CEP83: variants seen among roughly 807,000 people sequenced by gnomAD.
CEP83 encodes centrosomal protein of 83 kDa.
Under a neutral mutation model 101.9 loss-of-function variants are expected in CEP83, and 70 were observed. That is an observed-to-expected ratio of 0.69 (90% CI 0.57 to 0.84). The LOEUF (loss-of-function observed/expected upper bound fraction) is 0.84. Among genes scored for constraint, CEP83 ranks in the 40% least tolerant of loss-of-function variants. CEP83 has a pLI of 0.00. For missense variants in CEP83, 715 were observed against 787.2 expected (o/e 0.91, Z 1.10); for synonymous variants, 264 against 267.9 (o/e 0.99, Z 0.14).
chr12:94,439,852 T>C (rs993130946), intron 1 of CEP83, among the ~76,000 whole-genome samples: 1 of 152,130 alleles, frequency 6.6e-6, no homozygotes, highest in Non-Finnish European at 1.5e-5. Flanking sequence ...CATGAACAAG[T>C]GGGTTTTATA....
chr12:94,398,673 T>A (rs2063056075), intron 6 of CEP83, among the ~76,000 whole-genome samples: 2 of 151,892 alleles, frequency 1.3e-5, no homozygotes, highest in Admixed American at 6.6e-5. Context: ...AACCATAAGG[T>A]CTGACTGCCT....
intron 14 of CEP83, among the ~76,000 whole-genome samples, chr12:94,315,399 T>A (rs114797552): frequency 3.6e-4 from 55 of 152,246 alleles, no homozygotes; most frequent in Non-Finnish European, 7.1e-4. Flanking sequence ...GACGTGTCCA[T>A]CCTAGTCTTT....
At chr12:94,292,613 C>G in the CEP83 span, among the ~76,000 whole-genome samples, 8 of 152,152 alleles carry the variant, frequency 5.3e-5, no homozygotes, top group Non-Finnish European at 8.8e-5. Context: ...TATTTGCATA[C>G]ACATAATGAA....
At chr12:94,415,326 A>T (rs936552408) in intron 2 of CEP83, among the ~76,000 whole-genome samples, 1 of 152,144 alleles carries the variant, frequency 6.6e-6, no homozygotes, top group Non-Finnish European at 1.5e-5. Context: ...GACAAAACTA[A>T]AGGACTGAGC....
At chr12:94,382,952 G>T (rs190388277) in intron 6 of CEP83, among the ~76,000 whole-genome samples, 3 of 152,158 alleles carry the variant, frequency 2.0e-5, no homozygotes, top group Admixed American at 1.3e-4. Flanking sequence ...CACTTGTTGA[G>T]AGAGGGGTAT....
chr12:94,293,808 G>A, the CEP83 span, among the ~76,000 whole-genome samples: 1 of 152,078 alleles, frequency 6.6e-6, no homozygotes, highest in Non-Finnish European at 1.5e-5. Flanking sequence ...TTTTTATACA[G>A]AGGGATCTCC....
rs959501360 is a variant in CEP83, at chr12:94,412,443, A to C, written c.48T>G (p.Phe16Leu). Residue 16 changes from phenylalanine to leucine, a missense_variant, in exon 3 of 17, where the codon TTT becomes TTG. By Grantham distance (22) the Phe-to-Leu change is conservative (BLOSUM62 0). Coordinates refer to ENST00000397809, the MANE Select transcript of CEP83 (RefSeq NM_016122.3). ...TCAATCCACTGTCTCCACCAGGAGG[A>C]AAATTATTGGGAAAAGTGTCCATAT... ...FTDMDTFPNN[F>L]PPGGDSGLTG... 3.7e-6 allele frequency: 6 copies of C among 1,612,502 alleles called. No individual in the cohort carries two copies. In the Admixed American group the frequency reaches 1.0e-4, roughly 27 times the overall value.
At chr12:94,357,856 A>G (rs1001469258) in intron 11 of CEP83, among the ~76,000 whole-genome samples, 13 of 152,246 alleles carry the variant, frequency 8.5e-5, no homozygotes, top group Non-Finnish European at 1.9e-4. Context: ...AGGAAAGCAC[A>G]TAGCACAGCT....
intron 11 of CEP83, among the ~76,000 whole-genome samples, chr12:94,355,747 G>T (rs2060438253): frequency 6.6e-6 from 1 of 152,228 alleles, no homozygotes; most frequent in African/African-American, 2.4e-5. Flanking sequence ...CCCGCCCAGG[G>T]TGGAAAACCG....
chr12:94,396,691 C>T (rs2062922157), intron 6 of CEP83, among the ~76,000 whole-genome samples: 1 of 151,948 alleles, frequency 6.6e-6, no homozygotes, highest in Non-Finnish European at 1.5e-5. Flanking sequence ...TCCTGGAGTC[C>T]CTCTCAGGAA....
At chr12:94,335,200 A>C (rs2059398883) in intron 12 of CEP83, among the ~76,000 whole-genome samples, 1 of 152,146 alleles carries the variant, frequency 6.6e-6, no homozygotes. Context: ...TTTCATAGGG[A>C]TATAGCAAAA....
chr12:94,395,822 A>C lies in CEP83; in HGVS notation c.549+5028T>G, dbSNP rs528286417. Among the ~76,000 whole-genome samples the C allele has an allele frequency of 3.0e-4, 46 of 152,330 alleles. No homozygotes were observed. In the Middle Eastern group the frequency reaches 0.01, roughly 34 times the overall value. The stretch of plus-strand genomic sequence containing the variant: ...GAGGACAGAGTGAGATTCTGTCTCA[A>C]GAAAAAAAAAGAAGAAATAAACCCC... On this transcript the variant is annotated intron_variant, in intron 6 of 16. Transcript: ENST00000397809.
At chr12:94,383,469 A>C (rs940295287) in intron 6 of CEP83, among the ~76,000 whole-genome samples, 1 of 152,068 alleles carries the variant, frequency 6.6e-6, no homozygotes, top group African/African-American at 2.4e-5. Flanking sequence ...TGTCATAAGG[A>C]GCACCCTGAC....
At position 94,307,901 on chromosome 12, in the gene CEP83, G is replaced by C. The variant is rs1484129156; in HGVS notation, c.*912C>G. On this transcript the variant is annotated 3_prime_UTR_variant, in exon 17 of 17. Transcript: ENST00000397809. Reference sequence around the variant, plus strand: ...GGGACTTTTGACTATGAACACCTTGGGATAATGAACATTCCACTTAATTTG... The same window carrying C: ...GGGACTTTTGACTATGAACACCTTGCGATAATGAACATTCCACTTAATTTG... 6.6e-6 allele frequency: 1 copy of C among 151,984 alleles called. No individual in the cohort carries two copies. Among genetic ancestry groups the C allele is most frequent in the African/African-American group, 2.4e-5 (1 of 41,368 alleles). The allele number at this position is 151,984 out of a possible 1,614,324, so 9.4% of individuals were successfully genotyped here. A position where few individuals can be genotyped will look rare whatever the true frequency, so the allele number is the denominator to read the frequency against.
intron 14 of CEP83, among the ~76,000 whole-genome samples, chr12:94,327,167 C>T (rs2059005526): frequency 1.3e-5 from 2 of 152,072 alleles, no homozygotes; most frequent in South Asian, 2.1e-4. Context: ...ATAGTCAAAT[C>T]GATGCCTTAG....
chr12:94,444,441 T>C (rs1014025982), intron 1 of CEP83, among the ~76,000 whole-genome samples: 1 of 152,148 alleles, frequency 6.6e-6, no homozygotes, highest in Non-Finnish European at 1.5e-5. Flanking sequence ...AAGTTAAAAA[T>C]TCTGGAGGAC....
chr12:94,405,913 G>A (rs778165936), intron 4 of CEP83, among the ~76,000 whole-genome samples: 2 of 152,176 alleles, frequency 1.3e-5, no homozygotes, highest in East Asian at 1.9e-4. Flanking sequence ...TCATTCAGTA[G>A]AGTACTGATT....
the CEP83 span, among the ~76,000 whole-genome samples, chr12:94,275,102 C>T: frequency 6.6e-6 from 1 of 152,152 alleles, no homozygotes; most frequent in African/African-American, 2.4e-5. Flanking sequence ...CCAGGTGGCC[C>T]GGTGCTGGGC....
At chr12:94,299,492 T>G in the CEP83 span, among the ~76,000 whole-genome samples, 1 of 152,198 alleles carries the variant, frequency 6.6e-6, no homozygotes, top group Admixed American at 6.5e-5. Flanking sequence ...CCTCTAGGTC[T>G]AATCTCCCAT....
Sources: allele counts gnomAD v4.1 joint callset (sites outside exome capture counted in the v4.1 genomes callset), GRCh38; gene constraint gnomAD v4.1.1; transcripts MANE v1.5; gene names NCBI Gene and HGNC (gene_info 2026-07-23, HGNC 2026-07-21).